The following KATNIP variants were observed in gnomAD, a reference collection of about 807,000 sequenced individuals.
KATNIP encodes katanin interacting protein.
In KATNIP, 126 loss-of-function variants were observed where a neutral mutation model predicts 174.0. The observed-to-expected ratio is 0.72, with a 90% CI of 0.63 to 0.84. The LOEUF is 0.84. Ranked by LOEUF, KATNIP falls within the 40% of genes least tolerant of loss-of-function variation. KATNIP has a pLI of 0.00. For missense variants in KATNIP, 1,958 were observed against 2,109.7 expected (o/e 0.93, Z 1.41); for synonymous variants, 810 against 835.7 (o/e 0.97, Z 0.53).
intron 8 of KATNIP, among the ~76,000 whole-genome samples, chr16:27,686,336 T>C (rs528123436): frequency 6.2e-4 from 95 of 152,354 alleles, no homozygotes; most frequent in Admixed American, 1.1e-3. Context: ...TTTATCATTA[T>C]GTGTTGTTTC....
At position 27,637,619 on chromosome 16, in the gene KATNIP, G is replaced by A. The variant is rs1330462840; in HGVS notation, c.408+6457G>A. Among the ~76,000 whole-genome samples the A allele has an allele frequency of 1.3e-5, 2 of 152,174 alleles. No individual in the cohort carries two copies. Among genetic ancestry groups the A allele is most frequent in the African/African-American group, 4.8e-5 (2 of 41,448 alleles). On this transcript the variant is annotated intron_variant, in intron 5 of 27. Coordinates refer to ENST00000261588, the MANE Select transcript of KATNIP (RefSeq NM_015202.5). This position sits in a 1 kb window ranked among gnomAD's most constrained non-coding sequence, Gnocchi z 4.7. ...ATCTGTGGCTGGGGGAGGCTTTCAG[G>A]TGAGGGGACAGTGAGAGCAGCGGGC...
At chr16:27,713,699 C>T (rs1164155299) in intron 13 of KATNIP, among the ~76,000 whole-genome samples, 1 of 142,516 alleles carries the variant, frequency 7.0e-6, no homozygotes, top group African/African-American at 2.7e-5. Context: ...TATATATATA[C>T]ACATACATAT....
At chr16:27,645,572 G>A (rs2076934201) in intron 5 of KATNIP, among the ~76,000 whole-genome samples, 1 of 152,160 alleles carries the variant, frequency 6.6e-6, no homozygotes, top group African/African-American at 2.4e-5. Context: ...CATGGCTCCT[G>A]TTTTCCTCAT....
chr16:27,720,496 C>T (rs79080569), intron 13 of KATNIP, among the ~76,000 whole-genome samples: 64 of 124,468 alleles, frequency 5.1e-4, no homozygotes, highest in South Asian at 1.0e-3. Context: ...GGGTTTTGTT[C>T]TTTTTTTTTT....
intron 1 of KATNIP, among the ~76,000 whole-genome samples, chr16:27,563,866 T>G (rs1471345737): frequency 8.6e-6 from 1 of 115,790 alleles, no homozygotes; most frequent in Non-Finnish European, 1.6e-5. Context: ...CTAGGCAACA[T>G]AGTGAGACCT....
chr16:27,672,324 C>G (rs555711636), intron 6 of KATNIP, among the ~76,000 whole-genome samples: 266 of 152,320 alleles, frequency 1.7e-3, no homozygotes, highest in Middle Eastern at 0.01. Flanking sequence ...CATCACTCAG[C>G]CTTCCCTGAC....
chr16:27,722,994 G>T (rs1258230211), intron 14 of KATNIP, among the ~76,000 whole-genome samples: 1 of 152,220 alleles, frequency 6.6e-6, no homozygotes, highest in Non-Finnish European at 1.5e-5. Context: ...GGCTGGGAGA[G>T]ATCAGGGAAG....
At chr16:27,554,264 A>G (rs532972621) in intron 1 of KATNIP, among the ~76,000 whole-genome samples, 11 of 152,262 alleles carry the variant, frequency 7.2e-5, no homozygotes, top group East Asian at 1.9e-4. Flanking sequence ...GGAGTTTGAG[A>G]CTAGCCTGGC....
chr16:27,766,162 G>C, intron 19 of KATNIP, 147 bp from the exon 20 acceptor site: 3 of 690,710 alleles, frequency 4.3e-6, no homozygotes, highest in Non-Finnish European at 7.1e-6. Flanking sequence ...GTTCTCAGCA[G>C]TCACACCTCC....
intron 6 of KATNIP, among the ~76,000 whole-genome samples, chr16:27,661,004 T>A (rs1212067771): frequency 6.6e-6 from 1 of 152,012 alleles, no homozygotes; most frequent in African/African-American, 2.4e-5. Flanking sequence ...AATGAGTGAG[T>A]GGTATAGCTG....
intron 12 of KATNIP, among the ~76,000 whole-genome samples, chr16:27,706,336 T>C (rs534927509): frequency 4.3e-4 from 65 of 152,362 alleles, no homozygotes; most frequent in Non-Finnish European, 4.9e-4. Flanking sequence ...TGCCTGTCAC[T>C]GAGCTGCTCC....
Position 27,778,608 on chromosome 16 carries a change from G to C in KATNIP, c.4836G>C (p.Glu1612Asp), listed in dbSNP as rs775146768. ...CCAAAACCTGCATCAGCGAGAAGGAGACGAGACGACGGCGCTGCTGACTGG... is the reference window on the plus strand; with the variant it reads ...CCAAAACCTGCATCAGCGAGAAGGACACGAGACGACGGCGCTGCTGACTGG... ...LRPKTCISEKETRRRRC is the reference protein window; with the variant it reads ...LRPKTCISEKDTRRRRC The change falls in exon 28 of 28, where the codon GAG (glutamate) becomes GAC (aspartate). Residue 1612 changes from glutamate to aspartate, a missense_variant. This residue lies in a region of KATNIP where 383 missense variants were observed against 456.0 expected (regional missense o/e 0.84). Coordinates refer to ENST00000261588, the MANE Select transcript of KATNIP (RefSeq NM_015202.5). The C allele has an allele frequency of 4.3e-6, 7 of 1,613,918 alleles. No homozygotes were observed. In the Admixed American group the frequency reaches 1.0e-4, roughly 23 times the overall value.
chr16:27,657,029 T>A (rs2077317696), intron 6 of KATNIP, among the ~76,000 whole-genome samples: 1 of 151,972 alleles, frequency 6.6e-6, no homozygotes, highest in African/African-American at 2.4e-5. Context: ...AAAGGAGAAT[T>A]TTGGAAAATG....
At chr16:27,558,555 C>T (rs1400750851) in intron 1 of KATNIP, among the ~76,000 whole-genome samples, 2 of 152,138 alleles carry the variant, frequency 1.3e-5, no homozygotes, top group Non-Finnish European at 2.9e-5. Context: ...CATGGGAGTC[C>T]TTAGAAGATA....
At position 27,681,442 on chromosome 16, in the gene KATNIP, T is replaced by C; in HGVS notation, c.852T>C (p.Asn284=). ...ERNLSAKRKD[N]AEVFVPTKPE... ...ATTTGTCTGCAAAGCGGAAGGACAATGCTGAGGTTTTCGTTCCCACCAAAC... is the reference window on the plus strand; with the variant it reads ...ATTTGTCTGCAAAGCGGAAGGACAACGCTGAGGTTTTCGTTCCCACCAAAC... Residue 284 remains asparagine (N), a synonymous_variant, in exon 8 of 28, where the codon AAT becomes AAC. Coordinates refer to ENST00000261588, the MANE Select transcript of KATNIP (RefSeq NM_015202.5). 1 of 1,614,198 alleles carries C rather than the reference T, an allele frequency of 6.2e-7. No homozygotes were observed. Among genetic ancestry groups the C allele is most frequent in the Non-Finnish European group, 8.5e-7 (1 of 1,180,032 alleles).
At chr16:27,734,605 G>A (rs774795477) in intron 14 of KATNIP, among the ~76,000 whole-genome samples, 1 of 152,124 alleles carries the variant, frequency 6.6e-6, no homozygotes, top group Admixed American at 6.5e-5. Flanking sequence ...GCTGAGGCAC[G>A]AGAATCGCTT....
chr16:27,713,812 A>AT (rs1288814492), intron 13 of KATNIP, among the ~76,000 whole-genome samples: 4 of 10,146 alleles, frequency 3.9e-4, no homozygotes, highest in South Asian at 3.8e-3. Flanking sequence ...GTATATACAT[A>AT]TATATATATA....
In KATNIP at chr16:27,750,039, G is replaced by A; in HGVS notation, c.3079G>A (p.Asp1027Asn). 6.2e-7 allele frequency: 1 copy of A among 1,614,178 alleles called. No homozygotes were observed. The highest frequency in any genetic ancestry group is 8.5e-7 in the Non-Finnish European group (1 of 1,180,028). The part of the protein sequence containing the change: ...DINILPAYGK[D>N]PRVVTNLIDG... ...CAATATTTTACCAGCCTATGGGAAA[G>A]ACCCCCGCGTGGTCACCAACCTCAT... is the stretch of plus-strand genomic sequence containing the variant. Residue 1027 changes from aspartate to asparagine, a missense_variant, in exon 16 of 28, where the codon GAC becomes AAC. Asp to Asn is a conservative substitution (Grantham distance 23, BLOSUM62 1). Coordinates refer to ENST00000261588, the MANE Select transcript of KATNIP (RefSeq NM_015202.5).
chr16:27,770,352 T>C (rs1022633380), intron 21 of KATNIP, among the ~76,000 whole-genome samples: 2 of 152,244 alleles, frequency 1.3e-5, no homozygotes, highest in Non-Finnish European at 2.9e-5. Context: ...TTCTCCCGTT[T>C]CTGTGTTCCT....
Sources: gnomAD v4.1 joint callset for allele counts (sites outside exome capture counted in the v4.1 genomes callset) on GRCh38, gnomAD v4.1.1 for gene constraint, gnomAD v4.1.1 regional missense constraint, Gnocchi (gnomAD v3.1) non-coding constraint, MANE v1.5 for transcripts, NCBI Gene and HGNC (gene_info 2026-07-23, HGNC 2026-07-21) for gene names.